Variants in RBBP4 observed in about 807,000 individuals in gnomAD.
RBBP4 encodes the protein RB binding protein 4, chromatin remodeling factor, also known as histone-binding protein RBBP4.
In RBBP4, 3 loss-of-function variants were observed where a neutral mutation model predicts 57.2. The ratio of observed to expected loss-of-function variants is 0.05; its 90% CI spans 0.02 to 0.14. The LOEUF (loss-of-function observed/expected upper bound fraction) is 0.14. Ranked by LOEUF, RBBP4 falls within the 10% of genes least tolerant of loss-of-function variation. The pLI is 1.00. For missense variants in RBBP4, 107 were observed against 520.6 expected (o/e 0.21, Z 7.73); for synonymous variants, 151 against 171.5 (o/e 0.88, Z 0.93).
rs1206914886 is a variant in RBBP4 at position 32,683,977 on chromosome 1, T to A, written c.*4272T>A. 6.2e-7 allele frequency: 1 copy of A among 1,602,326 alleles called. No individual in the cohort carries two copies. The highest frequency in any genetic ancestry group is 8.5e-7 in the Non-Finnish European group (1 of 1,170,040). On this transcript the variant is annotated 3_prime_UTR_variant, in exon 12 of 12. Coordinates refer to ENST00000373493, the MANE Select transcript of RBBP4 (RefSeq NM_005610.3). Reference sequence around the variant, plus strand: ...AGTATTGTTAGGAAAGCAGTAACAATGCAAACACCACTCTTCTCTTCACAA... The same window carrying A: ...AGTATTGTTAGGAAAGCAGTAACAAAGCAAACACCACTCTTCTCTTCACAA...
chr1:32,666,694 C>T (rs1361307429), intron 3 of RBBP4, among the ~76,000 whole-genome samples: 5 of 151,908 alleles, frequency 3.3e-5, no homozygotes, highest in Middle Eastern at 3.4e-3. Context: ...AGTATGTGGG[C>T]GAAGGATTAC....
At chr1:32,677,710 A>T (rs1649164714) in intron 11 of RBBP4, among the ~76,000 whole-genome samples, 1 of 151,968 alleles carries the variant, frequency 6.6e-6, no homozygotes, top group Non-Finnish European at 1.5e-5. Flanking sequence ...AATAGGATTG[A>T]GTTGTACACC....
At chr1:32,676,750 ACT>A (rs1355731987) in intron 11 of RBBP4, among the ~76,000 whole-genome samples, 1 of 151,758 alleles carries the variant, frequency 6.6e-6, no homozygotes, top group Non-Finnish European at 1.5e-5. Context: ...AATTCACCTC[ACT>A]CTCTTTGTAA....
At chr1:32,668,466 G>A in intron 4 of RBBP4, 68 bp downstream of exon 4, 1 of 1,407,128 alleles carries the variant, frequency 7.1e-7, no homozygotes, top group South Asian at 1.3e-5. Context: ...CTCACTGTGA[G>A]TTTAATTGCA....
intron 8 of RBBP4, 117 bp from the exon 9 acceptor site, chr1:32,672,333 C>T (rs1182557321): frequency 3.7e-6 from 3 of 816,304 alleles, no homozygotes; most frequent in Non-Finnish European, 3.8e-6. Flanking sequence ...GTGTATAATA[C>T]CTTGACTTCC....
intron 8 of RBBP4, among the ~76,000 whole-genome samples, chr1:32,670,579 T>A (rs1648830869): frequency 6.7e-6 from 1 of 150,168 alleles, no homozygotes; most frequent in South Asian, 2.1e-4. Context: ...TTTTTTTTAA[T>A]TAATTTTTTT....
At position 32,680,098 on chromosome 1, in the gene RBBP4, A is replaced by G. The variant is rs180959850; in HGVS notation, c.*393A>G. ...TCTGAGCCATGAAGTATAAATACTG[A>G]AAGATGTCACTTTTATTCAGGAAAT... is the stretch of plus-strand genomic sequence containing the variant. On this transcript the variant is annotated 3_prime_UTR_variant, in exon 12 of 12. Transcript: ENST00000373493. The G allele has an allele frequency of 9.4e-7, 1 of 1,064,234 alleles. No individual in the cohort carries two copies. The highest frequency in any genetic ancestry group is 1.7e-5 in the African/African-American group (1 of 59,418). 65.9% of individuals were successfully genotyped at this position (1,064,234 alleles called of 1,614,324 possible). A position where few individuals can be genotyped will look rare whatever the true frequency, so the allele number is the denominator to read the frequency against.
intron 8 of RBBP4, among the ~76,000 whole-genome samples, chr1:32,670,408 C>T (rs1648820593): frequency 6.6e-6 from 1 of 152,080 alleles, no homozygotes; most frequent in Non-Finnish European, 1.5e-5. Flanking sequence ...GAACGCTAAG[C>T]ATGTGGGAGT....
chr1:32,674,496 G>T (rs1359444328), intron 11 of RBBP4, among the ~76,000 whole-genome samples: 1 of 151,972 alleles, frequency 6.6e-6, no homozygotes, highest in Non-Finnish European at 1.5e-5. Context: ...CCAGAGTGCT[G>T]GGAGTACATG....
chr1:32,659,236 T>C (rs1648295556), intron 3 of RBBP4, among the ~76,000 whole-genome samples: 1 of 151,092 alleles, frequency 6.6e-6, no homozygotes, highest in African/African-American at 2.4e-5. Context: ...TTACACACAA[T>C]GTAAAAAACG....
rs534300402 is a variant in RBBP4 at position 32,659,315 on chromosome 1, C to T, written c.310+1743C>T. On this transcript the variant is annotated intron_variant, in intron 3 of 11. Coordinates refer to ENST00000373493, the MANE Select transcript of RBBP4 (RefSeq NM_005610.3). Reference sequence around the variant, plus strand: ...GTGAGTCACTCCTGTAATCCCAGCACTTTGGGAGGCTGAGACCAGTGGATC... The same window carrying T: ...GTGAGTCACTCCTGTAATCCCAGCATTTTGGGAGGCTGAGACCAGTGGATC... 4.0e-5 allele frequency among the ~76,000 whole-genome samples: 6 copies of T among 151,878 alleles called. No homozygotes were observed. In the South Asian group the frequency reaches 1.2e-3, roughly 32 times the overall value.
chr1:32,668,191 G>C, intron 3 of RBBP4, 34 bp from the exon 4 acceptor site: 1 of 1,588,792 alleles, frequency 6.3e-7, no homozygotes, highest in East Asian at 2.2e-5. Context: ...AGTAGCTCTT[G>C]TTTTGTCCTC....
intron 3 of RBBP4, among the ~76,000 whole-genome samples, chr1:32,665,098 C>T (rs1000120357): frequency 6.6e-6 from 1 of 152,078 alleles, no homozygotes; most frequent in Non-Finnish European, 1.5e-5. Context: ...TTATGTGTGA[C>T]GCACAATAAA....
intron 11 of RBBP4, among the ~76,000 whole-genome samples, chr1:32,678,020 A>G (rs1248454689): frequency 6.6e-6 from 1 of 152,208 alleles, no homozygotes; most frequent in Non-Finnish European, 1.5e-5. Flanking sequence ...TCTCTTCAAT[A>G]TATAGAGATT....
rs71646393 is a variant in RBBP4, at chr1:32,663,989, C to T, written c.311-4236C>T. 8.3e-3 allele frequency among the ~76,000 whole-genome samples: 1,225 copies of T among 147,962 alleles called. 8 individuals are homozygous for T. The highest frequency in any genetic ancestry group is 9.3e-3 in the African/African-American group (370 of 39,884). On this transcript the variant is annotated intron_variant, in intron 3 of 11. Transcript: ENST00000373493. ...TTGCCCAGGCTGGTATGCAGTGGCG[C>T]GATCTCGGCCCACTGCAAGCTCCGC...
chr1:32,651,564 C>A, intron 1 of RBBP4: 1 of 1,099,876 alleles, frequency 9.1e-7, no homozygotes, highest in Non-Finnish European at 1.2e-6. Flanking sequence ...CTCTTCCTGC[C>A]TCCGATATCG....
chr1:32,666,200 G>A (rs1463920115), intron 3 of RBBP4, among the ~76,000 whole-genome samples: 1 of 152,156 alleles, frequency 6.6e-6, no homozygotes, highest in Non-Finnish European at 1.5e-5. Context: ...TAAACGGCAT[G>A]ATGGTATTTC....
At chr1:32,667,913 TGAG>T (rs1296892202) in intron 3 of RBBP4, among the ~76,000 whole-genome samples, 5 of 152,300 alleles carry the variant, frequency 3.3e-5, no homozygotes, top group Admixed American at 2.0e-4. Context: ...GGGATAATGA[TGAG>T]GGGGAAATCT....
Position 32,683,957 on chromosome 1 carries a change from T to A in RBBP4, c.*4252T>A. The stretch of plus-strand genomic sequence containing the variant: ...CTGTTTTTAAGGCATTAATTAGTAT[T>A]GTTAGGAAAGCAGTAACAATGCAAA... On this transcript the variant is annotated 3_prime_UTR_variant, in exon 12 of 12. Coordinates refer to ENST00000373493, the MANE Select transcript of RBBP4 (RefSeq NM_005610.3). 6.4e-7 allele frequency: 1 copy of A among 1,563,616 alleles called. No homozygotes were observed. The highest frequency in any genetic ancestry group is 8.8e-7 in the Non-Finnish European group (1 of 1,135,440).
Sources: allele counts gnomAD v4.1 joint callset (sites outside exome capture counted in the v4.1 genomes callset), GRCh38; gene constraint gnomAD v4.1.1; transcripts MANE v1.5; gene names NCBI Gene and HGNC (gene_info 2026-07-23, HGNC 2026-07-21).